The following KIAA1755 variants were observed in gnomAD, a reference collection of about 807,000 sequenced individuals.
KIAA1755 encodes KIAA1755, also known as uncharacterized protein KIAA1755.
Under a neutral mutation model 91.7 loss-of-function variants are expected in KIAA1755, and 68 were observed. The ratio of observed to expected loss-of-function variants is 0.74; its 90% CI spans 0.61 to 0.91. KIAA1755 has a LOEUF of 0.91. Among genes scored for constraint, KIAA1755 ranks in the 40% least tolerant of loss-of-function variants. KIAA1755 has a pLI of 0.00. For missense variants in KIAA1755, 1,535 were observed against 1,494.4 expected, an observed-to-expected ratio of 1.03 and a Z score of -0.45; for synonymous variants, 610 against 604.6, an observed-to-expected ratio of 1.01 and a Z score of -0.13.
At chr20:38,254,611 C>A (rs779980695) in intron 1 of KIAA1755, among the ~76,000 whole-genome samples, 58 of 150,030 alleles carry the variant, frequency 3.9e-4, no homozygotes, top group Non-Finnish European at 3.4e-4. Context: ...AACATAGTGA[C>A]AGCCTGTCTC....
Position 38,227,160 on chromosome 20 carries a change from G to A in KIAA1755, c.2046C>T (p.Asp682=), listed in dbSNP as rs747248434. The A allele has an allele frequency of 2.5e-6, 4 of 1,612,650 alleles. No homozygotes were observed. Among genetic ancestry groups the A allele is most frequent in the Admixed American group, 3.3e-5 (2 of 59,962 alleles). ...GACCCTGAGTCCCCCTCACCTGGACGTCAGGTAATGTCTGCAGCTGGAGAG... is the reference window on the plus strand; with the variant it reads ...GACCCTGAGTCCCCCTCACCTGGACATCAGGTAATGTCTGCAGCTGGAGAG... ...EAALQLQTLP[D]VQVEVLTSLK... The change falls in exon 7 of 14, where the codon GAC becomes GAT. Residue 682 remains aspartate (D), a synonymous_variant. Coordinates refer to ENST00000279024, the MANE Select transcript of KIAA1755 (RefSeq NM_001029864.2).
chr20:38,252,953 G>C (rs1057198828), intron 1 of KIAA1755, among the ~76,000 whole-genome samples: 1 of 152,130 alleles, frequency 6.6e-6, no homozygotes, highest in Non-Finnish European at 1.5e-5. Flanking sequence ...CAATCCACCC[G>C]GCAGCCCAGC....
intron 4 of KIAA1755, among the ~76,000 whole-genome samples, chr20:38,238,479 C>T (rs1232928286): frequency 6.6e-6 from 1 of 152,174 alleles, no homozygotes; most frequent in Non-Finnish European, 1.5e-5. Context: ...CAACTCTTCA[C>T]CTGGATAATT....
At chr20:38,236,540 T>C (rs1248713053) in intron 4 of KIAA1755, among the ~76,000 whole-genome samples, 1 of 151,904 alleles carries the variant, frequency 6.6e-6, no homozygotes, top group Non-Finnish European at 1.5e-5. Flanking sequence ...GGCTGCAAAA[T>C]TGTGGCCAGT....
chr20:38,237,805 G>A (rs1053962805), intron 4 of KIAA1755, among the ~76,000 whole-genome samples: 4 of 151,446 alleles, frequency 2.6e-5, no homozygotes, highest in Non-Finnish European at 1.5e-5. Context: ...ACCCGGCGGG[G>A]AGAAGTTGGT....
At chr20:38,218,128 G>C in intron 12 of KIAA1755, 116 bp downstream of exon 12, 1 of 1,378,896 alleles carries the variant, frequency 7.3e-7, no homozygotes. Context: ...TTCCCTCACT[G>C]TCTCTGGAAC....
chr20:38,225,920 A>G, intron 7 of KIAA1755, 139 bp from the exon 8 acceptor site: 1 of 548,596 alleles, frequency 1.8e-6, no homozygotes, highest in Non-Finnish European at 3.2e-6. Context: ...TTGCTTTGCC[A>G]GCAACCAATC....
At chr20:38,213,778 GGCT>G in intron 13 of KIAA1755, 35 bp from the exon 14 acceptor site, 1 of 1,387,132 alleles carries the variant, frequency 7.2e-7, no homozygotes, top group Non-Finnish European at 9.5e-7. Context: ...TGGGGGCTCA[GGCT>G]GGAAGTGGGA....
At chr20:38,237,263 G>T (rs959668044) in intron 4 of KIAA1755, among the ~76,000 whole-genome samples, 1 of 152,024 alleles carries the variant, frequency 6.6e-6, no homozygotes, top group Non-Finnish European at 1.5e-5. Context: ...CATCACACAG[G>T]ACTGTGGGGG....
At chr20:38,225,818 A>T (rs79697088) in intron 7 of KIAA1755, 37 bp from the exon 8 acceptor site, 44,101 of 1,284,124 alleles carry the variant, frequency 0.034, 1,152 homozygotes, top group African/African-American at 0.11. Context: ...AGGGACTCAA[A>T]GTGAGGACAG....
At chr20:38,217,837 C>T (rs2123065343) in intron 12 of KIAA1755, 1 of 422,744 alleles carries the variant, frequency 2.4e-6, no homozygotes, top group Non-Finnish European at 4.3e-6. Flanking sequence ...TTGTCCCCGC[C>T]CCCGCCCCCG....
chr20:38,239,469 A>C, intron 4 of KIAA1755, 59 bp downstream of exon 4: 1 of 1,483,790 alleles, frequency 6.7e-7, no homozygotes, highest in Non-Finnish European at 9.4e-7. Flanking sequence ...ACAGCAGCTG[A>C]AGATGCTCTG....
chr20:38,213,220 G>C lies in KIAA1755; in HGVS notation c.3425C>G (p.Ser1142Cys). 6.2e-7 allele frequency: 1 copy of C among 1,613,300 alleles called. No homozygotes were observed. The highest frequency in any genetic ancestry group is 8.5e-7 in the Non-Finnish European group (1 of 1,180,022). ...GCGGGCAGGGTCAGGCAGCTTGTGG[G>C]AGCCTTTGCCGTCTTCAGCCTCTGC... The part of the protein sequence containing the change: ...QAAEAEDGKG[S>C]HKLPDPAREH... Residue 1142 changes from serine to cysteine, a missense_variant, in exon 14 of 14, where the codon TCC (serine) becomes TGC (cysteine). Physicochemically the swap from Ser to Cys is moderately radical, Grantham distance 112 (BLOSUM62 -1). Coordinates refer to ENST00000279024, the MANE Select transcript of KIAA1755 (RefSeq NM_001029864.2).
At chr20:38,229,212 C>T (rs534385998) in intron 5 of KIAA1755, among the ~76,000 whole-genome samples, 2 of 152,198 alleles carry the variant, frequency 1.3e-5, no homozygotes, top group South Asian at 2.1e-4. Flanking sequence ...GCCATTAGTA[C>T]CTTGTGGTCT....
intron 1 of KIAA1755, chr20:38,260,040 G>C (rs1427845902): frequency 3.0e-6 from 1 of 329,068 alleles, no homozygotes; most frequent in Non-Finnish European, 5.2e-6. Flanking sequence ...TTTTCACCCT[G>C]GACCCTTAAC....
intron 4 of KIAA1755, chr20:38,236,841 G>A (rs185999573): frequency 2.0e-5 from 3 of 152,258 alleles, no homozygotes; most frequent in East Asian, 2.0e-4. Flanking sequence ...GGGTGAGGGT[G>A]GGAACACGGG....
At chr20:38,219,959 G>A (rs912000831) in intron 10 of KIAA1755, among the ~76,000 whole-genome samples, 191 bp from the exon 11 acceptor site, 12 of 152,194 alleles carry the variant, frequency 7.9e-5, no homozygotes, top group African/African-American at 2.7e-4. Context: ...GGGAGGACAA[G>A]AGAACACAGT....
In KIAA1755 at chr20:38,217,431, T is replaced by C; in HGVS notation, c.2723A>G (p.Gln908Arg). Residue 908 changes from glutamine to arginine, a missense_variant, in exon 13 of 14, where the codon CAG (glutamine) becomes CGG (arginine). By Grantham distance (43) the Gln-to-Arg change is conservative (BLOSUM62 1). Coordinates refer to ENST00000279024, the MANE Select transcript of KIAA1755 (RefSeq NM_001029864.2). ...RGLELSKQAA[Q>R]LGATARGAGE... The stretch of plus-strand genomic sequence containing the variant: ...AGCCCCTCTGGCTGTAGCTCCCAGC[T>C]GAGCGGCCTGCTTGGACAGCTCCAG... 6.2e-7 allele frequency: 1 copy of C among 1,612,730 alleles called. No homozygotes were observed. Among genetic ancestry groups the C allele is most frequent in the Non-Finnish European group, 8.5e-7 (1 of 1,179,558 alleles).
intron 13 of KIAA1755, among the ~76,000 whole-genome samples, chr20:38,214,829 T>G (rs1382738860): frequency 6.6e-6 from 1 of 152,230 alleles, no homozygotes; most frequent in African/African-American, 2.4e-5. Flanking sequence ...AACATAATCT[T>G]TCTCTCCATT....
Sources: gnomAD v4.1 joint callset for allele counts (sites outside exome capture counted in the v4.1 genomes callset) on GRCh38, gnomAD v4.1.1 for gene constraint, MANE v1.5 for transcripts, NCBI Gene and HGNC (gene_info 2026-07-23, HGNC 2026-07-21) for gene names.